Variants in CALML5 observed in about 807,000 individuals in gnomAD.
CALML5 encodes calmodulin like 5.
For missense variants in CALML5, 207 were observed against 206.6 expected (o/e 1.00, Z -0.01); for synonymous variants, 101 against 96.8 (o/e 1.04, Z -0.25).
In CALML5 at chr10:5,498,972, A is replaced by G; in HGVS notation, c.*26T>C. ...CGGTGGCCCTGAAGGCTCAGAGCGC[A>G]GCCAGGGGGACACAGGCGGGGAGCC... On this transcript the variant is annotated 3_prime_UTR_variant, in exon 1 of 1. Transcript: ENST00000380332. 6.7e-7 allele frequency: 1 copy of G among 1,502,052 alleles called. No homozygotes were observed. Among genetic ancestry groups the G allele is most frequent in the African/African-American group, 1.4e-5 (1 of 73,198 alleles). The allele number at this position is 1,502,052 out of a possible 1,614,324, so 93.0% of individuals were successfully genotyped here.
chr10:5,499,252 C>T lies in CALML5; in HGVS notation c.187G>A (p.Glu63Lys). ...ISEVDSDGDG[E>K]ISFQEFLTAA... ...GTCAGGAACTCCTGGAAGCTGATTT[C>T]GCCGTCGCCGTCGCTGTCAACCTCG... is the stretch of plus-strand genomic sequence containing the variant. Residue 63 changes from glutamate (E) to lysine (K), a missense_variant, in exon 1 of 1, where the codon GAA becomes AAA. Coordinates refer to ENST00000380332, the MANE Select transcript of CALML5 (RefSeq NM_017422.5). The T allele has an allele frequency of 6.2e-7, 1 of 1,613,658 alleles. No homozygotes were observed. The highest frequency in any genetic ancestry group is 8.5e-7 in the Non-Finnish European group (1 of 1,179,850).
chr10:5,498,902 C>G lies in CALML5; in HGVS notation c.*96G>C. Reference sequence around the variant, plus strand: ...CAGGGGGAGGCAGTTTCCCATCCACCGACCAGGTTTCCCCGGAGAGTCCCA... The same window carrying G: ...CAGGGGGAGGCAGTTTCCCATCCACGGACCAGGTTTCCCCGGAGAGTCCCA... On this transcript the variant is annotated 3_prime_UTR_variant, in exon 1 of 1. Transcript: ENST00000380332. 1 of 1,097,732 alleles carries G rather than the reference C, an allele frequency of 9.1e-7. No individual in the cohort carries two copies. 68.0% of individuals were successfully genotyped at this position (1,097,732 alleles called of 1,614,324 possible).
Position 5,499,028 on chromosome 10 carries a change from C to T in CALML5, c.411G>A (p.Glu137=). The T allele has an allele frequency of 6.3e-7, 1 of 1,584,908 alleles. No individual in the cohort carries two copies. The highest frequency in any genetic ancestry group is 8.5e-7 in the Non-Finnish European group (1 of 1,170,080). The change falls in exon 1 of 1, where the codon GAG becomes GAA. Residue 137 remains glutamate (E), a synonymous_variant. Transcript: ENST00000380332. ...DVDQDGRVNY[E]EFARMLAQE ...CCTGGGCGAGCATCCTCGCGAACTC[C>T]TCGTAGTTCACCCGCCCGTCCTGGT...
At position 5,499,182 on chromosome 10, in the gene CALML5, G is replaced by A; in HGVS notation, c.257C>T (p.Ala86Val). The A allele has an allele frequency of 6.2e-7, 1 of 1,610,500 alleles. No homozygotes were observed. Among genetic ancestry groups the A allele is most frequent in the Non-Finnish European group, 8.5e-7 (1 of 1,179,758 alleles). The change falls in exon 1 of 1, where the codon GCC becomes GTC. Residue 86 changes from alanine to valine, a missense_variant. Transcript: ENST00000380332. ...ARAGLEDLQV[A>V]FRAFDQDGDG... is the part of the protein sequence containing the mutation. Reference sequence around the variant, plus strand: ...GCCATCCTGGTCGAAGGCGCGGAAGGCGACCTGCAGGTCCTCCAGGCCGGC... The same window carrying A: ...GCCATCCTGGTCGAAGGCGCGGAAGACGACCTGCAGGTCCTCCAGGCCGGC...
At position 5,498,948 on chromosome 10, in the gene CALML5, G is replaced by A. The variant is rs750774087; in HGVS notation, c.*50C>T. The A allele has an allele frequency of 1.5e-6, 2 of 1,371,884 alleles. No individual in the cohort carries two copies. Among genetic ancestry groups the A allele is most frequent in the Admixed American group, 2.5e-5 (1 of 39,990 alleles). The allele number at this position is 1,371,884 out of a possible 1,614,324, so 85.0% of individuals were successfully genotyped here. On this transcript the variant is annotated 3_prime_UTR_variant, in exon 1 of 1. Transcript: ENST00000380332. ...TCCCAGCACAAAAGCAGCAGCGGGC[G>A]GTGGCCCTGAAGGCTCAGAGCGCAG...
rs145893521 is a variant in CALML5 at position 5,499,337 on chromosome 10, G to T, written c.102C>A (p.Gly34=). Residue 34 remains glycine, a synonymous_variant, in exon 1 of 1, where the codon GGC becomes GGA. Coordinates refer to ENST00000380332, the MANE Select transcript of CALML5 (RefSeq NM_017422.5). ...TCTTGCCCGTGGCCTTCAGCGCCGC[G>T]CCCAGCTCCTGGGCATTGATGGTGC... The part of the protein sequence containing the change: ...GNGTINAQEL[G]AALKATGKNL... The T allele has an allele frequency of 1.2e-6, 2 of 1,614,112 alleles. No homozygotes were observed. The highest frequency in any genetic ancestry group is 8.5e-7 in the Non-Finnish European group (1 of 1,179,962).
chr10:5,498,907 A>C lies in CALML5; in HGVS notation c.*91T>G. ...GGAGGCAGTTTCCCATCCACCGACC[A>C]GGTTTCCCCGGAGAGTCCCAGCACA... On this transcript the variant is annotated 3_prime_UTR_variant, in exon 1 of 1. Transcript: ENST00000380332. 1 of 1,121,860 alleles carries C rather than the reference A, an allele frequency of 8.9e-7. No individual in the cohort carries two copies. Among genetic ancestry groups the C allele is most frequent in the Non-Finnish European group, 1.2e-6 (1 of 812,300 alleles). 69.5% of individuals were successfully genotyped at this position (1,121,860 alleles called of 1,614,324 possible). A position where few individuals can be genotyped will look rare whatever the true frequency, so the allele number is the denominator to read the frequency against.
rs1833278343 is a variant in CALML5, at chr10:5,499,249, T to G, written c.190A>C (p.Ile64Leu). 6.2e-7 allele frequency: 1 copy of G among 1,613,678 alleles called. No individual in the cohort carries two copies. The highest frequency in any genetic ancestry group is 8.5e-7 in the Non-Finnish European group (1 of 1,179,874). ...SEVDSDGDGE[I>L]SFQEFLTAAK... ...GCCGTCAGGAACTCCTGGAAGCTGA[T>G]TTCGCCGTCGCCGTCGCTGTCAACC... The change falls in exon 1 of 1, where the codon ATC (isoleucine) becomes CTC (leucine). Residue 64 changes from isoleucine to leucine, a missense_variant. Coordinates refer to ENST00000380332, the MANE Select transcript of CALML5 (RefSeq NM_017422.5).
rs1833271208 is a variant in CALML5, at chr10:5,498,974, C to G, written c.*24G>C. ...GTGGCCCTGAAGGCTCAGAGCGCAG[C>G]CAGGGGGACACAGGCGGGGAGCCTC... On this transcript the variant is annotated 3_prime_UTR_variant, in exon 1 of 1. Coordinates refer to ENST00000380332, the MANE Select transcript of CALML5 (RefSeq NM_017422.5). 1.3e-6 allele frequency: 2 copies of G among 1,508,756 alleles called. No individual in the cohort carries two copies. The highest frequency in any genetic ancestry group is 1.4e-5 in the African/African-American group (1 of 73,290). 93.5% of individuals were successfully genotyped at this position (1,508,756 alleles called of 1,614,324 possible). A position where few individuals can be genotyped will look rare whatever the true frequency, so the allele number is the denominator to read the frequency against.
At position 5,498,856 on chromosome 10, in the gene CALML5, C is replaced by G. The variant is rs1216768056; in HGVS notation, c.*142G>C. On this transcript the variant is annotated 3_prime_UTR_variant, in exon 1 of 1. Transcript: ENST00000380332. ...GCCCGAGGGCGCCGCATCCAGGCCC[C>G]GGAGCGCAAAGCCTTCCTCCCAGGG... 7 of 756,924 alleles carry G rather than the reference C, an allele frequency of 9.2e-6. No individual in the cohort carries two copies. Among genetic ancestry groups the G allele is most frequent in the African/African-American group, 5.3e-5 (3 of 56,608 alleles). The allele number at this position is 756,924 out of a possible 1,614,324, so 46.9% of individuals were successfully genotyped here.
chr10:5,499,468 C>T lies in CALML5; in HGVS notation c.-30G>A, dbSNP rs751533297. 7.6e-6 allele frequency: 12 copies of T among 1,581,920 alleles called. No homozygotes were observed. Among genetic ancestry groups the T allele is most frequent in the Admixed American group, 3.4e-5 (2 of 58,016 alleles). On this transcript the variant is annotated 5_prime_UTR_variant, in exon 1 of 1. Transcript: ENST00000380332. ...GCGTCTCCTGCACCTCGCGGAGCCT[C>T]CGAGCTGCTGCCCACCGGCCCTCAA...
chr10:5,499,095 G>C lies in CALML5; in HGVS notation c.344C>G (p.Pro115Arg), dbSNP rs763609437. The change falls in exon 1 of 1, where the codon CCG becomes CGG. Residue 115 changes from proline (P) to arginine (R), a missense_variant. Coordinates refer to ENST00000380332, the MANE Select transcript of CALML5 (RefSeq NM_017422.5). ...GATCATGGCGTCCAGCTCCTCCTGC[G>C]GCAGCGGCTGCCCCAGCCCCGCCAT... ...RAMAGLGQPL[P>R]QEELDAMIRE... 1 of 1,598,842 alleles carries C rather than the reference G, an allele frequency of 6.3e-7. No individual in the cohort carries two copies. The highest frequency in any genetic ancestry group is 8.5e-7 in the Non-Finnish European group (1 of 1,178,470).
chr10:5,499,112 C>A lies in CALML5; in HGVS notation c.327G>T (p.Gly109=), dbSNP rs919759488. The change falls in exon 1 of 1, where the codon GGG becomes GGT. Residue 109 remains glycine, a synonymous_variant. Transcript: ENST00000380332. The part of the protein sequence containing the change: ...TVDELRRAMA[G]LGQPLPQEEL... ...CCTCCTGCGGCAGCGGCTGCCCCAGCCCCGCCATGGCCCGCCTGAGCTCGT... is the reference window on the plus strand; with the variant it reads ...CCTCCTGCGGCAGCGGCTGCCCCAGACCCGCCATGGCCCGCCTGAGCTCGT... The A allele has an allele frequency of 1.2e-6, 2 of 1,600,954 alleles. No homozygotes were observed. The highest frequency in any genetic ancestry group is 1.7e-6 in the Non-Finnish European group (2 of 1,178,982).
Position 5,499,168 on chromosome 10 carries a change from C to G in CALML5, c.271G>C (p.Asp91His). ...EDLQVAFRAF[D>H]QDGDGHITVD... is the part of the protein sequence containing the mutation. ...GTGATGTGGCCGTCGCCATCCTGGT[C>G]GAAGGCGCGGAAGGCGACCTGCAGG... Residue 91 changes from aspartate (D) to histidine (H), a missense_variant, in exon 1 of 1, where the codon GAC (aspartate) becomes CAC (histidine). Physicochemically the swap from Asp to His is moderately conservative, Grantham distance 81. Coordinates refer to ENST00000380332, the MANE Select transcript of CALML5 (RefSeq NM_017422.5). 2.5e-6 allele frequency: 4 copies of G among 1,608,736 alleles called. No individual in the cohort carries two copies. The highest frequency in any genetic ancestry group is 3.4e-6 in the Non-Finnish European group (4 of 1,179,840).
rs564031513 is a variant in CALML5 at position 5,499,432 on chromosome 10, C to G, written c.7G>C (p.Gly3Arg). Residue 3 changes from glycine (G) to arginine (R), a missense_variant, in exon 1 of 1, where the codon GGT becomes CGT. By Grantham distance (125) the Gly-to-Arg change is moderately radical. Transcript: ENST00000380332. MA[G>R]ELTPEEEAQY... ...GCCTCCTCCTCAGGAGTCAGCTCAC[C>G]GGCCATGCCTGCGTCTCCTGCACCT... 1.9e-6 allele frequency: 3 copies of G among 1,610,194 alleles called. No individual in the cohort carries two copies. Among genetic ancestry groups the G allele is most frequent in the African/African-American group, 2.7e-5 (2 of 74,932 alleles).
At position 5,499,090 on chromosome 10, in the gene CALML5, C is replaced by G. The variant is rs1335710010; in HGVS notation, c.349G>C (p.Glu117Gln). 4 of 1,599,468 alleles carry G rather than the reference C, an allele frequency of 2.5e-6. No individual in the cohort carries two copies. The highest frequency in any genetic ancestry group is 3.4e-6 in the Non-Finnish European group (4 of 1,178,558). Residue 117 changes from glutamate to glutamine, a missense_variant, in exon 1 of 1, where the codon GAG (glutamate) becomes CAG (glutamine). Coordinates refer to ENST00000380332, the MANE Select transcript of CALML5 (RefSeq NM_017422.5). ...MAGLGQPLPQEELDAMIREAD... is the reference protein window; with the variant it reads ...MAGLGQPLPQQELDAMIREAD... ...TCGCGGATCATGGCGTCCAGCTCCT[C>G]CTGCGGCAGCGGCTGCCCCAGCCCC... is the stretch of plus-strand genomic sequence containing the variant.
Position 5,498,944 on chromosome 10 carries a change from G to T in CALML5, c.*54C>A. On this transcript the variant is annotated 3_prime_UTR_variant, in exon 1 of 1. Transcript: ENST00000380332. ...AGAGTCCCAGCACAAAAGCAGCAGC[G>T]GGCGGTGGCCCTGAAGGCTCAGAGC... 2 of 1,352,612 alleles carry T rather than the reference G, an allele frequency of 1.5e-6. No individual in the cohort carries two copies. Among genetic ancestry groups the T allele is most frequent in the Non-Finnish European group, 2.0e-6 (2 of 1,010,154 alleles). The allele number at this position is 1,352,612 out of a possible 1,614,324, so 83.8% of individuals were successfully genotyped here.
chr10:5,499,095 G>A lies in CALML5; in HGVS notation c.344C>T (p.Pro115Leu), dbSNP rs763609437. ...RAMAGLGQPL[P>L]QEELDAMIRE... ...GATCATGGCGTCCAGCTCCTCCTGC[G>A]GCAGCGGCTGCCCCAGCCCCGCCAT... The change falls in exon 1 of 1, where the codon CCG becomes CTG. Residue 115 changes from proline (P) to leucine (L), a missense_variant. Transcript: ENST00000380332. The A allele has an allele frequency of 6.3e-6, 10 of 1,598,724 alleles. No individual in the cohort carries two copies. In the Admixed American group the frequency reaches 6.7e-5, roughly 11 times the overall value.
rs141020784 is a variant in CALML5 at position 5,499,372 on chromosome 10, C to T, written c.67G>A (p.Asp23Asn). Residue 23 changes from aspartate to asparagine, a missense_variant, in exon 1 of 1, where the codon GAT becomes AAT. By Grantham distance (23) the Asp-to-Asn change is conservative. Transcript: ENST00000380332. The stretch of plus-strand genomic sequence containing the variant: ...TGGGCATTGATGGTGCCGTTTCCAT[C>T]CGTGTCAACCGCGGAGAAAGCCTTT... ...YKKAFSAVDT[D>N]GNGTINAQEL... The T allele has an allele frequency of 2.7e-5, 44 of 1,614,070 alleles. No homozygotes were observed. The highest frequency in any genetic ancestry group is 3.5e-5 in the Non-Finnish European group (41 of 1,180,008).
Sources: gnomAD v4.1 joint callset for allele counts on GRCh38, gnomAD v4.1.1 for gene constraint, MANE v1.5 for transcripts, NCBI Gene and HGNC (gene_info 2026-07-23, HGNC 2026-07-21) for gene names.